The following TSNARE1 variants were observed in gnomAD, a reference collection of about 807,000 sequenced individuals.
The protein encoded by TSNARE1 is t-SNARE domain-containing protein 1.
In TSNARE1, 49 loss-of-function variants were observed where a neutral mutation model predicts 62.0. That is an observed-to-expected ratio of 0.79 (90% CI 0.63 to 1.00). TSNARE1 has a LOEUF of 1.00. Ranked by LOEUF, TSNARE1 falls within the 50% of genes least tolerant of loss-of-function variation. The pLI is 0.00. For missense variants in TSNARE1, 755 were observed against 700.1 expected (o/e 1.08, Z -0.88); for synonymous variants, 328 against 294.4 (o/e 1.11, Z -1.17).
At chr8:142,284,298 G>C in intron 11 of TSNARE1, 115 bp downstream of exon 11, 2 of 786,880 alleles carry the variant, frequency 2.5e-6, no homozygotes, top group South Asian at 1.5e-5. Context: ...CCCAGCCTGG[G>C]CCTGGCTCCT....
At chr8:142,221,330 G>A (rs373463542) in intron 13 of TSNARE1, among the ~76,000 whole-genome samples, 2 of 152,198 alleles carry the variant, frequency 1.3e-5, no homozygotes, top group African/African-American at 4.8e-5. Context: ...GCACACACAC[G>A]CAGGCACATA....
intron 12 of TSNARE1, among the ~76,000 whole-genome samples, chr8:142,254,169 G>C (rs76507708): frequency 0.021 from 3,240 of 152,338 alleles, 122 homozygotes; most frequent in African/African-American, 0.074. Flanking sequence ...AGTGTGTTAA[G>C]GCTTTTTAAT....
In TSNARE1 at chr8:142,343,987, A is replaced by G; in HGVS notation, c.724T>C (p.Phe242Leu). 1 of 1,536,434 alleles carries G rather than the reference A, an allele frequency of 6.5e-7. No homozygotes were observed. The highest frequency in any genetic ancestry group is 8.8e-7 in the Non-Finnish European group (1 of 1,140,442). ...TCACCTCTGGGCGGCTCCAGACTGA[A>G]GCCCTCGGAGGGCAGGGCCTGGCAA... Reference protein sequence around the residue: ...FSCQALPSEGFSLEPPRATQV... With the variant: ...FSCQALPSEGLSLEPPRATQV... The change falls in exon 4 of 14, where the codon TTC becomes CTC. Residue 242 changes from phenylalanine to leucine, a missense_variant. By Grantham distance (22) the Phe-to-Leu change is conservative. Transcript: ENST00000524325.
At chr8:142,278,328 GC>G in intron 11 of TSNARE1, 1 of 985,448 alleles carries the variant, frequency 1.0e-6, no homozygotes, top group East Asian at 1.1e-4. Context: ...TCCAAGTTCT[GC>G]CATGGCTGCC....
At chr8:142,327,796 G>T (rs533052994) in intron 6 of TSNARE1, among the ~76,000 whole-genome samples, 19 of 152,322 alleles carry the variant, frequency 1.2e-4, no homozygotes, top group Admixed American at 1.2e-3. Context: ...AGCCCTTCTG[G>T]TGCTGATTCT....
At chr8:142,366,938 A>G (rs928142418) in intron 1 of TSNARE1, among the ~76,000 whole-genome samples, 2 of 152,272 alleles carry the variant, frequency 1.3e-5, no homozygotes, top group African/African-American at 4.8e-5. Flanking sequence ...AGGATATAAA[A>G]TTAACATACA....
chr8:142,380,746 C>T (rs1215633648), intron 1 of TSNARE1, among the ~76,000 whole-genome samples: 1 of 152,210 alleles, frequency 6.6e-6, no homozygotes, highest in Non-Finnish European at 1.5e-5. Flanking sequence ...GGAGAAAACG[C>T]TCCAGGAAAG....
intron 12 of TSNARE1, chr8:142,272,973 T>C (rs942824069): frequency 3.0e-6 from 3 of 985,316 alleles, no homozygotes. Context: ...TGATACTCCC[T>C]GGTGGACCCC....
chr8:142,300,783 G>A lies in TSNARE1; in HGVS notation c.1132-139C>T, dbSNP rs1586662207. ...TGAGGGGACGATCTGGGTCTGAGGC[G>A]GGGGCCTTCTGCGGCCACGAGCCTG... On this transcript the variant is annotated intron_variant, in intron 9 of 13. Coordinates refer to ENST00000524325, the MANE Select transcript of TSNARE1 (RefSeq NM_145003.5). 5.5e-5 allele frequency: 60 copies of A among 1,092,544 alleles called. No homozygotes were observed. The East Asian group carries it at 1.4e-3, about 26-fold the overall frequency. The allele number at this position is 1,092,544 out of a possible 1,614,324, so 67.7% of individuals were successfully genotyped here.
In TSNARE1 at chr8:142,319,886, G is replaced by A. The variant is rs1829214023; in HGVS notation, c.894-1252C>T. On this transcript the variant is annotated intron_variant, in intron 6 of 13. Transcript: ENST00000524325. The surrounding 1 kb of genome is among the most constrained non-coding windows in gnomAD (Gnocchi z 4.9). ...CTACAGACTAGGCGGGAAGCGCGGG[G>A]ACAGGAGCTTTCTTCCCCGGGGCCT... is the stretch of plus-strand genomic sequence containing the variant. 6.6e-6 allele frequency among the ~76,000 whole-genome samples: 1 copy of A among 152,186 alleles called. No homozygotes were observed. Among genetic ancestry groups the A allele is most frequent in the East Asian group, 1.9e-4 (1 of 5,178 alleles).
intron 1 of TSNARE1, among the ~76,000 whole-genome samples, chr8:142,360,071 TG>T (rs1169268849): frequency 6.6e-6 from 1 of 152,194 alleles, no homozygotes; most frequent in African/African-American, 2.4e-5. Flanking sequence ...CTTGAAGGCC[TG>T]GGCACAGCAA....
intron 1 of TSNARE1, among the ~76,000 whole-genome samples, chr8:142,371,495 AT>A (rs2131037988): frequency 6.6e-6 from 1 of 152,312 alleles, no homozygotes; most frequent in South Asian, 2.1e-4. Flanking sequence ...AAAAGAGTAA[AT>A]TTTATTGTAT....
At chr8:142,354,874 C>T (rs1310497914) in intron 1 of TSNARE1, 111 bp from the exon 2 acceptor site, 1 of 621,574 alleles carries the variant, frequency 1.6e-6, no homozygotes, top group African/African-American at 1.8e-5. Context: ...GACCCTGGCT[C>T]CATTGTACCC....
At chr8:142,217,374 A>AGAAGAG (rs1473518889) in intron 13 of TSNARE1, among the ~76,000 whole-genome samples, 9 of 134,918 alleles carry the variant, frequency 6.7e-5, no homozygotes, top group African/African-American at 3.0e-4. Flanking sequence ...AAAGAAAGAA[A>AGAAGAG]AAAGGGAAAG....
intron 12 of TSNARE1, chr8:142,270,586 C>T: frequency 2.0e-6 from 2 of 984,926 alleles, no homozygotes; most frequent in Non-Finnish European, 2.4e-6. Context: ...CCACGTAGGG[C>T]AGAGGAGCCC....
chr8:142,234,858 T>TC (rs1817327253), intron 12 of TSNARE1, among the ~76,000 whole-genome samples: 1 of 151,256 alleles, frequency 6.6e-6, no homozygotes, highest in African/African-American at 2.4e-5. Flanking sequence ...AGTCCCCTCG[T>TC]CCCCCCACAA....
At chr8:142,258,503 A>G (rs1308213445) in intron 12 of TSNARE1, among the ~76,000 whole-genome samples, 3 of 127,660 alleles carry the variant, frequency 2.3e-5, no homozygotes, top group East Asian at 2.2e-4. Flanking sequence ...TTTTTTTGAG[A>G]CAGTGTCTCA....
chr8:142,330,790 G>A (rs924019455), intron 6 of TSNARE1, 111 bp downstream of exon 6: 80 of 1,081,842 alleles, frequency 7.4e-5, no homozygotes, highest in Admixed American at 1.7e-4. Context: ...GCAGCTGTGC[G>A]CAAGCAGCTG....
rs1178768588 is a variant in TSNARE1 at position 142,310,152 on chromosome 8, C to A, written c.1131+4232G>T. On this transcript the variant is annotated intron_variant, in intron 9 of 13. Coordinates refer to ENST00000524325, the MANE Select transcript of TSNARE1 (RefSeq NM_145003.5). ...GGGGTTTAACAACCCTTTCAAAGAG[C>A]CAATTATTTTGGCTTTGCTAACTTG... Among the ~76,000 whole-genome samples, 4 of 152,020 alleles carry A rather than the reference C, an allele frequency of 2.6e-5. No homozygotes were observed. In the East Asian group the frequency reaches 7.7e-4, roughly 29 times the overall value.
Sources: allele counts gnomAD v4.1 joint callset (sites outside exome capture counted in the v4.1 genomes callset), GRCh38; gene constraint gnomAD v4.1.1; non-coding constraint Gnocchi (gnomAD v3.1); transcripts MANE v1.5; gene names NCBI Gene and HGNC (gene_info 2026-07-23, HGNC 2026-07-21).